C4orf54: variants seen among roughly 807,000 people sequenced by gnomAD.
C4orf54 encodes the protein chromosome 4 open reading frame 54.
In C4orf54, 67 loss-of-function variants were observed where a neutral mutation model predicts 80.1. The ratio of observed to expected loss-of-function variants is 0.84; its 90% confidence interval spans 0.69 to 1.03. The LOEUF (loss-of-function observed/expected upper bound fraction) is 1.03. Among genes scored for constraint, C4orf54 ranks in the 50% least tolerant of loss-of-function variants. The pLI is 0.00. For missense variants in C4orf54, 2,434 were observed against 2,253.5 expected (o/e 1.08, Z -1.62); for synonymous variants, 1,000 against 917.0 (o/e 1.09, Z -1.64).
rs1471488869 is a variant in C4orf54, at chr4:99,638,008, T to A, written c.*3225A>T. 6.6e-6 allele frequency: 1 copy of A among 152,174 alleles called. No individual in the cohort carries two copies. Among genetic ancestry groups the A allele is most frequent in the African/African-American group, 2.4e-5 (1 of 41,448 alleles). The allele number at this position is 152,174 out of a possible 1,614,324, so 9.4% of individuals were successfully genotyped here. The stretch of plus-strand genomic sequence containing the variant: ...ATTCAATTTGTAGCAAACACAGACT[T>A]TGATTTCTATGAAGTATGAAAACAA... On this transcript the variant is annotated 3_prime_UTR_variant, in exon 3 of 3. Transcript: ENST00000511828.
At chr4:99,654,790 A>G (rs1726953328) in intron 1 of C4orf54, 111 bp from the exon 2 acceptor site, 4 of 580,946 alleles carry the variant, frequency 6.9e-6, no homozygotes, top group East Asian at 2.8e-5. Flanking sequence ...TAATGAGATG[A>G]AAAGAGAAGG....
chr4:99,646,533 C>T (rs538196855), intron 2 of C4orf54, among the ~76,000 whole-genome samples: 18 of 152,290 alleles, frequency 1.2e-4, no homozygotes, highest in African/African-American at 3.9e-4. Context: ...CCATGCCTCA[C>T]ACCAAGGAAC....
At position 99,651,323 on chromosome 4, in the gene C4orf54, C is replaced by G; in HGVS notation, c.3326G>C (p.Arg1109Thr). The stretch of plus-strand genomic sequence containing the variant: ...ATCCCCTGACCCTTTAATTAGTTTC[C>G]TGACATCTCTCACCTGGTGGAGGGG... ...QGPLHQVRDVRKLIKGSGDSS... is the reference protein window; with the variant it reads ...QGPLHQVRDVTKLIKGSGDSS... Residue 1109 changes from arginine (R) to threonine (T), a missense_variant, in exon 2 of 3, where the codon AGG becomes ACG. By Grantham distance (71) the Arg-to-Thr change is moderately conservative. Coordinates refer to ENST00000511828, the MANE Select transcript of C4orf54 (RefSeq NM_001354435.2). 6.5e-7 allele frequency: 1 copy of G among 1,536,160 alleles called. No individual in the cohort carries two copies. Among genetic ancestry groups the G allele is most frequent in the East Asian group, 2.4e-5 (1 of 40,908 alleles).
In C4orf54 at chr4:99,652,731, C is replaced by T. The variant is rs1156336890; in HGVS notation, c.1918G>A (p.Glu640Lys). Residue 640 changes from glutamate (E) to lysine (K), a missense_variant, in exon 2 of 3, where the codon GAG (glutamate) becomes AAG (lysine). Glu to Lys is a moderately conservative substitution (Grantham distance 56). Coordinates refer to ENST00000511828, the MANE Select transcript of C4orf54 (RefSeq NM_001354435.2). ...TCCCGGGAGCTGATGTTCAGAGCCT[C>T]AAAGTAGGGGTAAGCCAGGCTCCGG... ...AFRSLAYPYF[E>K]ALNISSRESS... The T allele has an allele frequency of 3.3e-6, 5 of 1,535,962 alleles. No individual in the cohort carries two copies. Among genetic ancestry groups the T allele is most frequent in the Admixed American group, 3.9e-5 (2 of 50,992 alleles).
Position 99,650,336 on chromosome 4 carries a change from A to C in C4orf54, c.4313T>G (p.Leu1438Arg). 1 of 1,536,038 alleles carries C rather than the reference A, an allele frequency of 6.5e-7. No individual in the cohort carries two copies. Among genetic ancestry groups the C allele is most frequent in the Non-Finnish European group, 8.7e-7 (1 of 1,146,888 alleles). The change falls in exon 2 of 3, where the codon CTC becomes CGC. Residue 1438 changes from leucine (L) to arginine (R), a missense_variant. Leu to Arg is a moderately radical substitution (Grantham distance 102). Transcript: ENST00000511828. ...KGIKSQGLRS[L>R]KISPATRAPP... ...TGCCCGGGTGGCTGGAGAGATCTTG[A>C]GGGACCGGAGTCCCTGCGACTTGAT... is the stretch of plus-strand genomic sequence containing the variant.
In C4orf54 at chr4:99,650,466, G is replaced by C. The variant is rs1480992885; in HGVS notation, c.4183C>G (p.Arg1395Gly). The C allele has an allele frequency of 6.5e-7, 1 of 1,536,118 alleles. No individual in the cohort carries two copies. The highest frequency in any genetic ancestry group is 1.2e-5 in the South Asian group (1 of 84,052). ...CTGGCACTCACTGTGAACACGTTCC[G>C]GTTGCTGGGGAGTGGTGGGAGGGGC... is the stretch of plus-strand genomic sequence containing the variant. ...LQPLPPLPSN[R>G]NVFTVSASSI... The change falls in exon 2 of 3, where the codon CGG becomes GGG. Residue 1395 changes from arginine (R) to glycine (G), a missense_variant. Arg to Gly is a moderately radical substitution (Grantham distance 125). Transcript: ENST00000511828.
At chr4:99,656,043 T>C (rs1726973241) in intron 1 of C4orf54, among the ~76,000 whole-genome samples, 1 of 152,114 alleles carries the variant, frequency 6.6e-6, no homozygotes, top group African/African-American at 2.4e-5. Context: ...GCCGTTATCC[T>C]CTCAACTCCT....
chr4:99,654,123 G>A lies in C4orf54; in HGVS notation c.526C>T (p.Gln176Ter). The A allele has an allele frequency of 6.5e-7, 1 of 1,536,168 alleles. No homozygotes were observed. The highest frequency in any genetic ancestry group is 1.2e-5 in the South Asian group (1 of 84,066). The change falls in exon 2 of 3, where the codon CAG (glutamine) becomes TAG (stop). Residue 176 changes from glutamine to a stop codon, truncating the protein, a stop_gained. Transcript: ENST00000511828. LOFTEE classifies it high-confidence loss of function. ...SSAQDSQELK[Q>*]QLWPLPKPSA... ...GGCTTGGGAAGTGGCCACAGCTGCTGCTTGAGCTCCTGGCTGTCTTGAGCA... is the reference window on the plus strand; with the variant it reads ...GGCTTGGGAAGTGGCCACAGCTGCTACTTGAGCTCCTGGCTGTCTTGAGCA...
chr4:99,654,971 T>A (rs933250182), intron 1 of C4orf54, among the ~76,000 whole-genome samples: 3 of 152,208 alleles, frequency 2.0e-5, no homozygotes, highest in African/African-American at 7.2e-5. Flanking sequence ...AAAATTCAAA[T>A]TTTTCACGCA....
chr4:99,656,571 G>A (rs1578279781), intron 1 of C4orf54, among the ~76,000 whole-genome samples: 1 of 152,288 alleles, frequency 6.6e-6, no homozygotes, highest in East Asian at 1.9e-4. Context: ...GAGCCACAAT[G>A]CCCAGCTCTT....
In C4orf54 at chr4:99,650,026, C is replaced by T. The variant is rs1361665483; in HGVS notation, c.4623G>A (p.Glu1541=). Residue 1541 remains glutamate (E), a synonymous_variant, in exon 2 of 3, where the codon GAG becomes GAA. Transcript: ENST00000511828. ...GTGGCCCTGGGGGGGCAGCTACTGTCTCCCGGGGGTTGTCAGGTTTGGTAC... is the reference window on the plus strand; with the variant it reads ...GTGGCCCTGGGGGGGCAGCTACTGTTTCCCGGGGGTTGTCAGGTTTGGTAC... The part of the protein sequence containing the change: ...AWRTKPDNPR[E]TVAAPPGPQS... 5 of 1,535,652 alleles carry T rather than the reference C, an allele frequency of 3.3e-6. No individual in the cohort carries two copies.
intron 2 of C4orf54, among the ~76,000 whole-genome samples, chr4:99,647,693 C>A (rs1193885169): frequency 6.6e-6 from 1 of 152,112 alleles, no homozygotes; most frequent in Non-Finnish European, 1.5e-5. Context: ...GTCTTACAGT[C>A]CAATAAGTGT....
At position 99,651,352 on chromosome 4, in the gene C4orf54, T is replaced by A; in HGVS notation, c.3297A>T (p.Gln1099His). 6.5e-7 allele frequency: 1 copy of A among 1,536,208 alleles called. No individual in the cohort carries two copies. Among genetic ancestry groups the A allele is most frequent in the Non-Finnish European group, 8.7e-7 (1 of 1,146,924 alleles). ...VRDIRDKSKA[Q>H]GPLHQVRDVR... The stretch of plus-strand genomic sequence containing the variant: ...CATCTCTCACCTGGTGGAGGGGGCC[T>A]TGAGCCTTGGACTTGTCTCTGATGT... Residue 1099 changes from glutamine (Q) to histidine (H), a missense_variant, in exon 2 of 3, where the codon CAA becomes CAT. Physicochemically the swap from Gln to His is conservative, Grantham distance 24. Transcript: ENST00000511828.
chr4:99,651,461 T>G lies in C4orf54; in HGVS notation c.3188A>C (p.Lys1063Thr), dbSNP rs767220595. The change falls in exon 2 of 3, where the codon AAG (lysine) becomes ACG (threonine). Residue 1063 changes from lysine to threonine, a missense_variant. Physicochemically the swap from Lys to Thr is moderately conservative, Grantham distance 78. Transcript: ENST00000511828. ...LAGGSASNLF[K>T]TIEDNSRAQQ... Reference sequence around the variant, plus strand: ...TGCCCTGCTGTTGTCCTCGATGGTCTTGAACAGGTTAGAGGCGCTGCCACC... The same window carrying G: ...TGCCCTGCTGTTGTCCTCGATGGTCGTGAACAGGTTAGAGGCGCTGCCACC... 2 of 1,536,198 alleles carry G rather than the reference T, an allele frequency of 1.3e-6. No homozygotes were observed. Among genetic ancestry groups the G allele is most frequent in the African/African-American group, 2.7e-5 (2 of 73,042 alleles).
intron 2 of C4orf54, among the ~76,000 whole-genome samples, chr4:99,647,038 T>C (rs1726711648): frequency 6.6e-6 from 1 of 152,240 alleles, no homozygotes; most frequent in Non-Finnish European, 1.5e-5. Flanking sequence ...AGATTTGGCC[T>C]TTCTGTCTAT....
In C4orf54 at chr4:99,651,679, G is replaced by A; in HGVS notation, c.2970C>T (p.Leu990=). 6.5e-7 allele frequency: 1 copy of A among 1,536,066 alleles called. No homozygotes were observed. Among genetic ancestry groups the A allele is most frequent in the Non-Finnish European group, 8.7e-7 (1 of 1,146,902 alleles). The change falls in exon 2 of 3, where the codon CTC becomes CTT. Residue 990 remains leucine, a synonymous_variant. Coordinates refer to ENST00000511828, the MANE Select transcript of C4orf54 (RefSeq NM_001354435.2). The stretch of plus-strand genomic sequence containing the variant: ...GTGTCTGCTGGATGTTGGGGACAAA[G>A]AGGCGAGACATGATGGTGTTCTTGC... ...SASKNTIMSR[L]FVPNIQQTPK...
At position 99,650,852 on chromosome 4, in the gene C4orf54, T is replaced by C. The variant is rs1228118627; in HGVS notation, c.3797A>G (p.Glu1266Gly). ...KLTAAVRSME[E>G]LYSFNRNEWK... ...CTCGTTCCTGTTGAAGCTGTACAGC[T>C]CTTCCATGGACCTCACGGCTGCAGT... The change falls in exon 2 of 3, where the codon GAG becomes GGG. Residue 1266 changes from glutamate (E) to glycine (G), a missense_variant. Transcript: ENST00000511828. 6.5e-7 allele frequency: 1 copy of C among 1,536,214 alleles called. No homozygotes were observed. The highest frequency in any genetic ancestry group is 8.7e-7 in the Non-Finnish European group (1 of 1,146,930).
At chr4:99,641,896 G>A (rs1726613069) in intron 2 of C4orf54, among the ~76,000 whole-genome samples, 1 of 152,000 alleles carries the variant, frequency 6.6e-6, no homozygotes, top group South Asian at 2.1e-4. Flanking sequence ...GTGGCCTACA[G>A]GTAATATTTG....
chr4:99,643,792 A>ACACACACACACACACACACACACC (rs61130907), intron 2 of C4orf54, among the ~76,000 whole-genome samples: 4 of 98,908 alleles, frequency 4.0e-5, no homozygotes, highest in Admixed American at 2.3e-4. Context: ...ACACACACAC[A>ACACACACACACACACACACACACC]CCCCCTCCGC....
Sources: gnomAD v4.1 joint callset for allele counts (sites outside exome capture counted in the v4.1 genomes callset) on GRCh38, gnomAD v4.1.1 for gene constraint, MANE v1.5 for transcripts, NCBI Gene and HGNC (gene_info 2026-07-23, HGNC 2026-07-21) for gene names.